Variants in AMPH observed in about 807,000 individuals in gnomAD.
The protein encoded by AMPH is amphiphysin.
In AMPH, 49 loss-of-function variants were observed where a neutral mutation model predicts 99.1. The observed-to-expected ratio is 0.49, with a 90% CI of 0.39 to 0.63. AMPH has a LOEUF of 0.63. Among genes scored for constraint, AMPH ranks in the 20% least tolerant of loss-of-function variants. The probability of loss-of-function intolerance (pLI) is 0.00; values close to 1 mark genes in which losing one functional copy is unlikely to be tolerated. For missense variants in AMPH, 759 were observed against 863.4 expected (o/e 0.88, Z 1.52); for synonymous variants, 314 against 317.3 (o/e 0.99, Z 0.11).
chr7:38,491,067 G>T lies in AMPH; in HGVS notation c.379C>A (p.Gln127Lys), dbSNP rs771817752. Residue 127 changes from glutamine to lysine, a missense_variant, in exon 5 of 21, where the codon CAA becomes AAA. Gln to Lys is a moderately conservative substitution (Grantham distance 53). Coordinates refer to ENST00000356264, the MANE Select transcript of AMPH (RefSeq NM_001635.4). ...TAAAATACCTTTATGTCAGGAAATTGCCCCAGGTAGGTATCCAGTGTTAGC... is the reference window on the plus strand; with the variant it reads ...TAAAATACCTTTATGTCAGGAAATTTCCCCAGGTAGGTATCCAGTGTTAGC... Reference protein sequence around the residue: ...SLLTLDTYLGQFPDIKNRIAK... With the variant: ...SLLTLDTYLGKFPDIKNRIAK... The T allele has an allele frequency of 6.2e-7, 1 of 1,610,798 alleles. No individual in the cohort carries two copies. The highest frequency in any genetic ancestry group is 1.3e-5 in the African/African-American group (1 of 74,928).
chr7:38,401,286 G>C (rs186564265), intron 17 of AMPH, among the ~76,000 whole-genome samples: 19 of 152,230 alleles, frequency 1.2e-4, no homozygotes, highest in Admixed American at 7.9e-4. Context: ...TGTTTTGGGG[G>C]TTTCTGCTCA....
chr7:38,513,243 T>C (rs1317497692), intron 2 of AMPH, among the ~76,000 whole-genome samples: 3 of 152,184 alleles, frequency 2.0e-5, no homozygotes, highest in Non-Finnish European at 4.4e-5. Context: ...CATTCTCTTG[T>C]TTTTTGCCAT....
intron 1 of AMPH, among the ~76,000 whole-genome samples, chr7:38,612,508 TA>T (rs1793723707): frequency 6.6e-6 from 1 of 152,182 alleles, no homozygotes; most frequent in African/African-American, 2.4e-5. Flanking sequence ...TTCTACAGCC[TA>T]AACAGTTTTC....
chr7:38,547,042 T>C (rs1405280075), intron 1 of AMPH, among the ~76,000 whole-genome samples: 1 of 152,046 alleles, frequency 6.6e-6, no homozygotes, highest in African/African-American at 2.4e-5. Context: ...GGGGTTCTGG[T>C]TCCCCTGGCT....
intron 17 of AMPH, among the ~76,000 whole-genome samples, chr7:38,395,305 T>C (rs1340862200): frequency 6.6e-6 from 1 of 152,090 alleles, no homozygotes; most frequent in Non-Finnish European, 1.5e-5. Flanking sequence ...CAAATATGCA[T>C]GGTAATGCTC....
chr7:38,593,732 T>C (rs1344384184), intron 1 of AMPH, among the ~76,000 whole-genome samples: 2 of 152,146 alleles, frequency 1.3e-5, no homozygotes, highest in Non-Finnish European at 2.9e-5. Flanking sequence ...AGTAGTACAG[T>C]AGTGAACACA....
At chr7:38,407,382 G>C (rs542837041) in intron 17 of AMPH, among the ~76,000 whole-genome samples, 1 of 148,748 alleles carries the variant, frequency 6.7e-6, no homozygotes, top group Non-Finnish European at 1.5e-5. Context: ...AACACCACAT[G>C]TTCTCACTTT....
At position 38,626,050 on chromosome 7, in the gene AMPH, G is replaced by T. The variant is rs138815471; in HGVS notation, c.69+5233C>A. On this transcript the variant is annotated intron_variant, in intron 1 of 20. Coordinates refer to ENST00000356264, the MANE Select transcript of AMPH (RefSeq NM_001635.4). ...CACCATACATTAAAAGATAGATCAAGAAATAGCTGTATAAGCATATTTTTG... is the reference window on the plus strand; with the variant it reads ...CACCATACATTAAAAGATAGATCAATAAATAGCTGTATAAGCATATTTTTG... Among the ~76,000 whole-genome samples the T allele has an allele frequency of 2.5e-3, 381 of 152,314 alleles. 1 individual carries two copies. The highest frequency in any genetic ancestry group is 8.6e-3 in the African/African-American group (357 of 41,580).
chr7:38,399,003 A>T (rs979018752), intron 17 of AMPH, among the ~76,000 whole-genome samples: 3 of 149,672 alleles, frequency 2.0e-5, no homozygotes, highest in African/African-American at 7.3e-5. Context: ...TTTGTCACAT[A>T]AAAAAGAACT....
At chr7:38,532,282 T>C (rs1054769691) in intron 2 of AMPH, among the ~76,000 whole-genome samples, 43 of 152,162 alleles carry the variant, frequency 2.8e-4, no homozygotes, top group African/African-American at 9.2e-4. Context: ...TTTCTTTTTC[T>C]AATTAAAAAA....
At chr7:38,553,776 C>G (rs761811957) in intron 1 of AMPH, among the ~76,000 whole-genome samples, 2 of 152,240 alleles carry the variant, frequency 1.3e-5, no homozygotes, top group Non-Finnish European at 2.9e-5. Context: ...GTTTTCACAG[C>G]AAAGCCCTCT....
chr7:38,398,605 A>C (rs1784752419), intron 17 of AMPH, among the ~76,000 whole-genome samples: 1 of 152,222 alleles, frequency 6.6e-6, no homozygotes, highest in African/African-American at 2.4e-5. Context: ...TAGAAAGAAT[A>C]AATAAGACCT....
chr7:38,573,217 C>T (rs1438414993), intron 1 of AMPH, among the ~76,000 whole-genome samples: 4 of 152,098 alleles, frequency 2.6e-5, no homozygotes, highest in Non-Finnish European at 5.9e-5. Context: ...CCATGTCACA[C>T]TCTCCATCAT....
Position 38,503,685 on chromosome 7 carries a change from T to C in AMPH, c.170A>G (p.Gln57Arg). Reference protein sequence around the residue: ...KRQEAEGTRLQRELRGYLAAI... With the variant: ...KRQEAEGTRLRRELRGYLAAI... ...TGCTAAATATCCTCGGAGTTCTCGCTGAAGTCTGGTACCCTCTGCCTAAAA... is the reference window on the plus strand; with the variant it reads ...TGCTAAATATCCTCGGAGTTCTCGCCGAAGTCTGGTACCCTCTGCCTAAAA... Residue 57 changes from glutamine to arginine, a missense_variant, in exon 3 of 21, where the codon CAG (glutamine) becomes CGG (arginine). By Grantham distance (43) the Gln-to-Arg change is conservative. This residue lies in a region of AMPH where 205 missense variants were observed against 287.9 expected (regional missense o/e 0.71). Transcript: ENST00000356264. 6.2e-7 allele frequency: 1 copy of C among 1,614,096 alleles called. No individual in the cohort carries two copies. The highest frequency in any genetic ancestry group is 8.5e-7 in the Non-Finnish European group (1 of 1,179,970).
At chr7:38,618,614 G>T (rs902708288) in intron 1 of AMPH, among the ~76,000 whole-genome samples, 2 of 151,942 alleles carry the variant, frequency 1.3e-5, no homozygotes, top group African/African-American at 4.8e-5. Context: ...ACAAAAGAGA[G>T]AAAATGGAGC....
In AMPH at chr7:38,396,779, T is replaced by A. The variant is rs553186189; in HGVS notation, c.1399-2565A>T. 9.1e-4 allele frequency among the ~76,000 whole-genome samples: 139 copies of A among 152,338 alleles called. 1 individual carries two copies. Among genetic ancestry groups the A allele is most frequent in the Non-Finnish European group, 1.6e-3 (111 of 68,028 alleles). ...AAGAGAATAGTAATCAGAACATAAA[T>A]TAGTAGGGCATCTTAATCCTGAGAA... On this transcript the variant is annotated intron_variant, in intron 17 of 20. Coordinates refer to ENST00000356264, the MANE Select transcript of AMPH (RefSeq NM_001635.4).
chr7:38,528,870 C>G (rs558831474), intron 2 of AMPH, among the ~76,000 whole-genome samples: 6 of 152,042 alleles, frequency 3.9e-5, no homozygotes, highest in Non-Finnish European at 7.4e-5. Context: ...ATAAATTTCC[C>G]TTCCAGCATT....
intron 1 of AMPH, among the ~76,000 whole-genome samples, chr7:38,555,229 A>T (rs60318714): frequency 0.013 from 1,909 of 146,816 alleles, 35 homozygotes; most frequent in East Asian, 0.081. Context: ...GCATAGTGAG[A>T]ACCTGTCTCT....
At chr7:38,465,762 G>A (rs1562773509) in intron 8 of AMPH, among the ~76,000 whole-genome samples, 2 of 152,024 alleles carry the variant, frequency 1.3e-5, no homozygotes, top group African/African-American at 2.4e-5. Flanking sequence ...AAATATATAT[G>A]TATATATTTA....
Sources: gnomAD v4.1 joint callset for allele counts (sites outside exome capture counted in the v4.1 genomes callset) on GRCh38, gnomAD v4.1.1 for gene constraint, gnomAD v4.1.1 regional missense constraint, MANE v1.5 for transcripts, NCBI Gene and HGNC (gene_info 2026-07-23, HGNC 2026-07-21) for gene names.